Variants in COL18A1 observed in about 807,000 individuals in gnomAD.
COL18A1 encodes the protein collagen type XVIII alpha 1 chain.
COL18A1 carries 133 observed loss-of-function variants against 168.0 expected under a neutral mutation model. The observed-to-expected ratio is 0.79, with a 90% confidence interval of 0.69 to 0.91. The LOEUF is 0.91. COL18A1 is among the 40% of genes least tolerant of loss of function. COL18A1 has a pLI of 0.00. For synonymous variants in COL18A1, 949 were observed against 809.0 expected (o/e 1.17, Z -2.94); for missense variants, 2,126 against 1,925.4 (o/e 1.10, Z -1.95).
chr21:45,508,816 TG>T (rs1035040441), intron 38 of COL18A1, among the ~76,000 whole-genome samples: 16 of 152,058 alleles, frequency 1.1e-4, no homozygotes, highest in Non-Finnish European at 4.4e-5. Context: ...CCTGGCCCTG[TG>T]GAGCAGACAG....
chr21:45,476,798 G>A (rs376137858), intron 6 of COL18A1, among the ~76,000 whole-genome samples: 9 of 151,612 alleles, frequency 5.9e-5, no homozygotes, highest in Non-Finnish European at 8.8e-5. Context: ...TGTGTGTTGC[G>A]TGTAGTGTAC....
chr21:45,489,869 CCCCACACCTCCTCCCCG>C, intron 19 of COL18A1, among the ~76,000 whole-genome samples: 1 of 64,738 alleles, frequency 1.5e-5, no homozygotes, highest in Non-Finnish European at 3.7e-5. Flanking sequence ...CTTGCCCCTC[CCCCACACCTCCTCCCCG>C]ACTTCCCCCT....
chr21:45,497,909 G>T, intron 32 of COL18A1: 1 of 610,702 alleles, frequency 1.6e-6, no homozygotes, highest in Non-Finnish European at 2.9e-6. Flanking sequence ...GGAGCAGATG[G>T]CTGCCCTTCC....
At chr21:45,459,091 T>G (rs1568884592) in intron 2 of COL18A1, among the ~76,000 whole-genome samples, 1 of 152,218 alleles carries the variant, frequency 6.6e-6, no homozygotes, top group Admixed American at 6.5e-5. Flanking sequence ...TCAGCGTTCC[T>G]GGCCTGCATT....
At chr21:45,415,948 C>T (rs2033430297) in intron 2 of COL18A1, among the ~76,000 whole-genome samples, 1 of 152,188 alleles carries the variant, frequency 6.6e-6, no homozygotes, top group Admixed American at 6.5e-5. Flanking sequence ...TTATCCAGAA[C>T]ACTGCGTGGG....
Position 45,509,336 on chromosome 21 carries a change from C to A in COL18A1, c.3250-20C>A, listed in dbSNP as rs1199796945. On this transcript the variant is annotated intron_variant, in intron 38 of 41. Coordinates refer to ENST00000651438, the MANE Select transcript of COL18A1 (RefSeq NM_001379500.1). ...CCGGAGGGTCCCCCCGCCGACAGGC[C>A]CCACGTCTCCCACCTGCAGGACAAT... 1.3e-6 allele frequency: 2 copies of A among 1,542,400 alleles called. No homozygotes were observed.
intron 2 of COL18A1, among the ~76,000 whole-genome samples, chr21:45,414,584 G>A (rs2033388977): frequency 6.6e-6 from 1 of 152,262 alleles, no homozygotes; most frequent in East Asian, 1.9e-4. Flanking sequence ...GGCCGACTCT[G>A]CCCCAGGCCT....
Position 45,468,764 on chromosome 21 carries a change from G to A in COL18A1, c.629G>A (p.Gly210Glu), listed in dbSNP as rs1374687944. ...GAGLFVAQAG[G>E]ADPDKFQGVI... ...GGGCTCTTCGTGGCTCAGGCGGGGG[G>A]AGCGGACCCTGACAAGTTCCAGGTA... The change falls in exon 3 of 42, where the codon GGA (glycine) becomes GAA (glutamate). Residue 210 changes from glycine to glutamate, a missense_variant. By Grantham distance (98) the Gly-to-Glu change is moderately conservative (BLOSUM62 -2). Transcript: ENST00000651438. 3 of 1,602,822 alleles carry A rather than the reference G, an allele frequency of 1.9e-6. No individual in the cohort carries two copies. The highest frequency in any genetic ancestry group is 2.5e-6 in the Non-Finnish European group (3 of 1,179,022).
intron 39 of COL18A1, among the ~76,000 whole-genome samples, chr21:45,509,848 G>A (rs1468551985): frequency 1.3e-5 from 2 of 152,186 alleles, no homozygotes; most frequent in African/African-American, 2.4e-5. Context: ...CGCCTACAGC[G>A]GCAGCTGGGG....
chr21:45,484,361 C>T (rs1449163497), intron 15 of COL18A1, among the ~76,000 whole-genome samples: 1 of 139,396 alleles, frequency 7.2e-6, no homozygotes, highest in Non-Finnish European at 1.6e-5. Flanking sequence ...TATGTGCGCA[C>T]ACACATACAC....
At position 45,441,864 on chromosome 21, in the gene COL18A1, G is replaced by A. The variant is rs1035843131; in HGVS notation, c.107-26378G>A. On this transcript the variant is annotated intron_variant, in intron 2 of 41. Coordinates refer to ENST00000651438, the MANE Select transcript of COL18A1 (RefSeq NM_001379500.1). ...AACACGGCTCTCTCCATAAAGGAGG[G>A]ACTCCCCATGCCACTCCCAAGGCCA... is the stretch of plus-strand genomic sequence containing the variant. Among the ~76,000 whole-genome samples the A allele has an allele frequency of 1.8e-4, 28 of 152,340 alleles. No individual in the cohort carries two copies. The East Asian group carries it at 4.2e-3, about 23-fold the overall frequency.
chr21:45,445,620 T>C lies in COL18A1; in HGVS notation c.107-22622T>C, dbSNP rs149364374. ...CGCCACATCTTTGCCATCACTTGTT[T>C]TTCTCTGACTTTTTGTTTCCAGCCC... On this transcript the variant is annotated intron_variant, in intron 2 of 41. Transcript: ENST00000651438. Among the ~76,000 whole-genome samples the C allele has an allele frequency of 3.4e-3, 513 of 152,334 alleles. 3 individuals carry two copies. The highest frequency in any genetic ancestry group is 0.012 in the African/African-American group (494 of 41,572).
At chr21:45,410,614 C>T (rs886120632) in intron 2 of COL18A1, among the ~76,000 whole-genome samples, 10 of 152,256 alleles carry the variant, frequency 6.6e-5, no homozygotes, top group East Asian at 1.9e-4. Context: ...ATTTCCCCAC[C>T]GTTCCGTTGA....
At chr21:45,427,535 G>A (rs1191449654) in intron 2 of COL18A1, among the ~76,000 whole-genome samples, 1 of 152,192 alleles carries the variant, frequency 6.6e-6, no homozygotes, top group East Asian at 1.9e-4. Flanking sequence ...TTGCTCCGCG[G>A]CCACCCCTGC....
intron 2 of COL18A1, among the ~76,000 whole-genome samples, chr21:45,441,204 CAG>C (rs1222867727): frequency 3.3e-5 from 5 of 152,244 alleles, no homozygotes; most frequent in African/African-American, 1.2e-4. Context: ...CCCCTACACA[CAG>C]AGGCTGCTCC....
intron 26 of COL18A1, 173 bp downstream of exon 26, chr21:45,493,748 C>A: frequency 1.6e-6 from 1 of 609,654 alleles, no homozygotes. Context: ...CCCATGTCGG[C>A]GGTTCCGCCG....
At chr21:45,438,384 TCA>T (rs1319835514) in intron 2 of COL18A1, among the ~76,000 whole-genome samples, 1 of 103,518 alleles carries the variant, frequency 9.7e-6, no homozygotes, top group Admixed American at 9.0e-5. Context: ...ACACACACAC[TCA>T]CACACTCAGA....
chr21:45,480,950 G>A (rs1182248263), intron 13 of COL18A1, 92 bp downstream of exon 13: 4 of 1,507,398 alleles, frequency 2.7e-6, no homozygotes, highest in East Asian at 2.4e-5. Flanking sequence ...CCCGCCTCAG[G>A]CCTCCCCAGT....
rs1409030092 is a variant in COL18A1, at chr21:45,491,315, G to A, written c.2157+1G>A. On this transcript the variant is annotated splice_donor_variant, in intron 22 of 41. Transcript: ENST00000651438. LOFTEE classifies it high-confidence loss of function. Reference sequence around the variant, plus strand: ...TGTGGTCTACGTGTCGGAGCAGGACGTAAGGACGCTGCGTGGGTGGGCACC... The same window carrying A: ...TGTGGTCTACGTGTCGGAGCAGGACATAAGGACGCTGCGTGGGTGGGCACC... The A allele has an allele frequency of 6.8e-6, 11 of 1,609,742 alleles. No homozygotes were observed. The highest frequency in any genetic ancestry group is 2.2e-5 in the East Asian group (1 of 44,832).
Sources: gnomAD v4.1 joint callset for allele counts (sites outside exome capture counted in the v4.1 genomes callset) on GRCh38, gnomAD v4.1.1 for gene constraint, MANE v1.5 for transcripts, NCBI Gene and HGNC (gene_info 2026-07-23, HGNC 2026-07-21) for gene names.